Variants in MRPL19 observed in about 807,000 individuals in gnomAD.
The protein encoded by MRPL19 is mitochondrial ribosomal protein L19.
In MRPL19, 31 loss-of-function variants were observed where a neutral mutation model predicts 34.0. That is an observed-to-expected ratio of 0.91 (90% CI 0.68 to 1.23). MRPL19 has a LOEUF of 1.23. MRPL19 is among the 50% of genes most tolerant of loss of function. The pLI, the probability that MRPL19 is intolerant of heterozygous loss-of-function variation, is 0.00. For missense variants in MRPL19, 384 were observed against 367.6 expected, an observed-to-expected ratio of 1.04 and a Z score of -0.37; for synonymous variants, 152 against 127.7, an observed-to-expected ratio of 1.19 and a Z score of -1.28.
intron 4 of MRPL19, among the ~76,000 whole-genome samples, chr2:75,654,455 T>A (rs184666696): frequency 4.8e-4 from 73 of 152,336 alleles, no homozygotes; most frequent in African/African-American, 1.7e-3. Context: ...GTTACTACTA[T>A]GAGAATTGAA....
At chr2:75,647,856 G>A (rs1447661915) in intron 2 of MRPL19, among the ~76,000 whole-genome samples, 2 of 151,968 alleles carry the variant, frequency 1.3e-5, no homozygotes, top group Non-Finnish European at 2.9e-5. Context: ...GTAGATTATT[G>A]ATTGGATTAC....
At chr2:75,654,264 C>G (rs769008024) in intron 4 of MRPL19, among the ~76,000 whole-genome samples, 1 of 152,288 alleles carries the variant, frequency 6.6e-6, no homozygotes, top group South Asian at 2.1e-4. Flanking sequence ...AAAACTAGTT[C>G]TCTCCATCCC....
At position 75,662,044 on chromosome 2, in the gene MRPL19, C is replaced by A. The variant is rs1284343415; in HGVS notation, c.*6759C>A. Reference sequence around the variant, plus strand: ...AAGGTTTTTGTAGTATGAGGGGGTGCTGAATTTTGTCAAACACTTTTTCGG... The same window carrying A: ...AAGGTTTTTGTAGTATGAGGGGGTGATGAATTTTGTCAAACACTTTTTCGG... On this transcript the variant is annotated 3_prime_UTR_variant, in exon 6 of 6. Transcript: ENST00000393909. 1.3e-5 allele frequency: 2 copies of A among 152,066 alleles called. No homozygotes were observed. Among genetic ancestry groups the A allele is most frequent in the Non-Finnish European group, 2.9e-5 (2 of 68,018 alleles). The allele number at this position is 152,066 out of a possible 1,614,324, so 9.4% of individuals were successfully genotyped here. A position where few individuals can be genotyped will look rare whatever the true frequency, so the allele number is the denominator to read the frequency against.
chr2:75,652,932 A>G (rs1026306439), intron 4 of MRPL19, among the ~76,000 whole-genome samples: 2 of 152,218 alleles, frequency 1.3e-5, no homozygotes, highest in Admixed American at 6.5e-5. Flanking sequence ...GAGGGGAATA[A>G]ATTACTATAA....
chr2:75,651,555 T>C (rs1424987392), intron 2 of MRPL19: 2 of 441,724 alleles, frequency 4.5e-6, no homozygotes, highest in East Asian at 6.0e-5. Context: ...AACTGGTCTA[T>C]AGTCTTGACC....
rs779506018 is a variant in MRPL19 at position 75,659,908 on chromosome 2, C to CT, written c.*4627dup. The stretch of plus-strand genomic sequence containing the variant: ...GTTTCTTGGAGTCATAGATTTATGT[C>CT]TTTTATCAAATTTTGGACATATTTG... On this transcript the variant is annotated 3_prime_UTR_variant, in exon 6 of 6. Coordinates refer to ENST00000393909, the MANE Select transcript of MRPL19 (RefSeq NM_014763.4). Among the ~76,000 whole-genome samples the CT allele has an allele frequency of 6.6e-6, 1 of 152,014 alleles. No individual in the cohort carries two copies. Among genetic ancestry groups the CT allele is most frequent in the Admixed American group, 6.6e-5 (1 of 15,252 alleles).
In MRPL19 at chr2:75,646,908, G is replaced by T; in HGVS notation, c.101G>T (p.Cys34Phe). 6.3e-7 allele frequency: 1 copy of T among 1,588,272 alleles called. No individual in the cohort carries two copies. Among genetic ancestry groups the T allele is most frequent in the Non-Finnish European group, 8.6e-7 (1 of 1,167,778 alleles). Residue 34 changes from cysteine (C) to phenylalanine (F), a missense_variant and splice_region_variant, in exon 1 of 6, where the codon TGC becomes TTC. Physicochemically the swap from Cys to Phe is radical, Grantham distance 205 (BLOSUM62 -2). Coordinates refer to ENST00000393909, the MANE Select transcript of MRPL19 (RefSeq NM_014763.4). ...CTCCCCCCGCCGGCCTCTATCGCCT[G>T]CAGTAAGTGGAGCCGGACTTGCGAG... Reference protein sequence around the residue: ...TLLPPPASIACRVHAGPVRQQ... With the variant: ...TLLPPPASIAFRVHAGPVRQQ...
rs1303561855 is a variant in MRPL19, at chr2:75,650,233, T to G, written c.222-1909T>G. Among the ~76,000 whole-genome samples, 3 of 152,346 alleles carry G rather than the reference T, an allele frequency of 2.0e-5. No homozygotes were observed. The East Asian group carries it at 5.8e-4, about 29-fold the overall frequency. ...ATATTCATTGTACTGTCATTTATAC[T>G]TTTTATGTAGATTAAATATTTCATA... On this transcript the variant is annotated intron_variant, in intron 2 of 5. Coordinates refer to ENST00000393909, the MANE Select transcript of MRPL19 (RefSeq NM_014763.4).
Position 75,657,688 on chromosome 2 carries a change from T to A in MRPL19, c.*2403T>A, listed in dbSNP as rs1678491143. The A allele has an allele frequency of 6.6e-6, 1 of 152,142 alleles. No homozygotes were observed. The highest frequency in any genetic ancestry group is 1.5e-5 in the Non-Finnish European group (1 of 68,012). The allele number at this position is 152,142 out of a possible 1,614,324, so 9.4% of individuals were successfully genotyped here. On this transcript the variant is annotated 3_prime_UTR_variant, in exon 6 of 6. Coordinates refer to ENST00000393909, the MANE Select transcript of MRPL19 (RefSeq NM_014763.4). ...GAATGGTAGATGGGACAGTATATTT[T>A]AGGACCTAAAGCTCTGCAAATGTAT...
rs992319364 is a variant in MRPL19, at chr2:75,657,759, G to A, written c.*2474G>A. ...TGCTCAAAAACATGTAAACAATCAT[G>A]CTTTTTACTCTGTAGGAATATCTTT... On this transcript the variant is annotated 3_prime_UTR_variant, in exon 6 of 6. Transcript: ENST00000393909. 1 of 151,900 alleles carries A rather than the reference G, an allele frequency of 6.6e-6. No homozygotes were observed. The highest frequency in any genetic ancestry group is 2.4e-5 in the African/African-American group (1 of 41,360). 9.4% of individuals were successfully genotyped at this position (151,900 alleles called of 1,614,324 possible). A position where few individuals can be genotyped will look rare whatever the true frequency, so the allele number is the denominator to read the frequency against.
Position 75,652,553 on chromosome 2 carries a change from C to G in MRPL19, c.371C>G (p.Pro124Arg), listed in dbSNP as rs1315159916. Residue 124 changes from proline to arginine, a missense_variant, in exon 4 of 6, where the codon CCA becomes CGA. Pro to Arg is a moderately radical substitution (Grantham distance 103). Coordinates refer to ENST00000393909, the MANE Select transcript of MRPL19 (RefSeq NM_014763.4). ...GSILRVTTAD[P>R]YASGKISQFL... ...ATTCTTCGTGTTACTACAGCTGACCCATATGCCAGTGGAAAAATCAGCCAG... is the reference window on the plus strand; with the variant it reads ...ATTCTTCGTGTTACTACAGCTGACCGATATGCCAGTGGAAAAATCAGCCAG... 3.7e-6 allele frequency: 6 copies of G among 1,613,896 alleles called. No individual in the cohort carries two copies. Among genetic ancestry groups the G allele is most frequent in the South Asian group, 1.1e-5 (1 of 91,048 alleles).
chr2:75,651,361 G>A (rs895834918), intron 2 of MRPL19: 17 of 532,412 alleles, frequency 3.2e-5, no homozygotes, highest in Admixed American at 9.7e-5. Flanking sequence ...CAGGTGACCA[G>A]TGAATGACAC....
At chr2:75,651,596 C>A in intron 2 of MRPL19, 1 of 392,996 alleles carries the variant, frequency 2.5e-6, no homozygotes, top group South Asian at 2.0e-5. Flanking sequence ...CTGCAGATGC[C>A]CCAGGTCCTT....
chr2:75,653,323 G>A (rs1167931984), intron 4 of MRPL19, among the ~76,000 whole-genome samples: 1 of 152,234 alleles, frequency 6.6e-6, no homozygotes, highest in Non-Finnish European at 1.5e-5. Flanking sequence ...ACAGTGGGCT[G>A]TGCGTGCAGG....
chr2:75,652,082 A>G (rs890225510), intron 2 of MRPL19, 60 bp from the exon 3 acceptor site: 2 of 989,912 alleles, frequency 2.0e-6, no homozygotes, highest in Admixed American at 2.5e-5. Flanking sequence ...GAAAAGCAAC[A>G]ATTTTTCTTC....
At chr2:75,655,030 C>CTTTTTTTTTGTTT in intron 5 of MRPL19, 34 bp from the exon 6 acceptor site, 1 of 1,156,372 alleles carries the variant, frequency 8.6e-7, no homozygotes, top group Non-Finnish European at 1.2e-6. Context: ...CTAATTATTG[C>CTTTTTTTTTGTTT]TTTTTTTTTT....
In MRPL19 at chr2:75,646,926, C is replaced by A; in HGVS notation, c.103+16C>A. ...ATCGCCTGCAGTAAGTGGAGCCGGA[C>A]TTGCGAGCTGGGGCGCGTTAGGGGC... On this transcript the variant is annotated intron_variant, in intron 1 of 5. Transcript: ENST00000393909. 2 of 1,561,696 alleles carry A rather than the reference C, an allele frequency of 1.3e-6. No homozygotes were observed. Among genetic ancestry groups the A allele is most frequent in the Non-Finnish European group, 8.7e-7 (1 of 1,154,792 alleles).
intron 2 of MRPL19, 43 bp from the exon 3 acceptor site, chr2:75,652,099 C>A (rs768706498): frequency 2.6e-6 from 3 of 1,176,278 alleles, no homozygotes; most frequent in Non-Finnish European, 3.6e-6. Context: ...CTTCTAGCAG[C>A]CTTTTGAGTT....
chr2:75,655,029 GCTTT>G, intron 5 of MRPL19, 31 bp from the exon 6 acceptor site: 4 of 1,052,464 alleles, frequency 3.8e-6, no homozygotes, highest in Non-Finnish European at 5.3e-6. Flanking sequence ...CCTAATTATT[GCTTT>G]TTTTTTTTTT....
Sources: gnomAD v4.1 joint callset for allele counts (sites outside exome capture counted in the v4.1 genomes callset) on GRCh38, gnomAD v4.1.1 for gene constraint, MANE v1.5 for transcripts, NCBI Gene and HGNC (gene_info 2026-07-23, HGNC 2026-07-21) for gene names.